The following RBPMS variants were observed in gnomAD, a reference collection of about 807,000 sequenced individuals.
RBPMS encodes RNA-binding protein with multiple splicing.
RBPMS carries 7 observed loss-of-function variants against 26.8 expected under a neutral mutation model. The ratio of observed to expected loss-of-function variants is 0.26; its 90% CI spans 0.15 to 0.49. The LOEUF (loss-of-function observed/expected upper bound fraction) is 0.49. Ranked by LOEUF, RBPMS falls within the 20% of genes least tolerant of loss-of-function variation. RBPMS has a pLI of 0.98. For synonymous variants in RBPMS, 96 were observed against 93.3 expected, an observed-to-expected ratio of 1.03 and a Z score of -0.17; for missense variants, 186 against 250.0, an observed-to-expected ratio of 0.74 and a Z score of 1.73.
intron 7 of RBPMS, chr8:30,563,972 G>A (rs775344881): frequency 1.3e-5 from 2 of 152,256 alleles, no homozygotes; most frequent in Non-Finnish European, 2.9e-5. Flanking sequence ...AGGCTAATAC[G>A]GTGAGCAGCT....
intron 4 of RBPMS, among the ~76,000 whole-genome samples, chr8:30,481,765 G>A (rs1044102960): frequency 1.3e-5 from 2 of 152,184 alleles, no homozygotes; most frequent in African/African-American, 2.4e-5. Context: ...AAGAGTGTAG[G>A]ACATTTACTG....
intron 6 of RBPMS, among the ~76,000 whole-genome samples, chr8:30,549,116 T>G (rs1585846456): frequency 6.6e-6 from 1 of 152,178 alleles, no homozygotes; most frequent in Non-Finnish European, 1.5e-5. Context: ...TGGCCAGTGC[T>G]GTGAGGGTGG....
intron 1 of RBPMS, among the ~76,000 whole-genome samples, chr8:30,422,660 G>T (rs1810929857): frequency 6.6e-6 from 1 of 152,120 alleles, no homozygotes; most frequent in Non-Finnish European, 1.5e-5. Flanking sequence ...ATGTACAAGA[G>T]AAACCCAAAT....
At chr8:30,447,778 T>G in intron 1 of RBPMS, among the ~76,000 whole-genome samples, 1 of 152,226 alleles carries the variant, frequency 6.6e-6, no homozygotes, top group East Asian at 1.9e-4. Context: ...TTTTTTAACT[T>G]AGCAATGAAT....
intron 1 of RBPMS, among the ~76,000 whole-genome samples, chr8:30,431,966 TA>T (rs923928887): frequency 5.2e-4 from 76 of 147,122 alleles, no homozygotes; most frequent in African/African-American, 1.7e-3. Context: ...ACAAAAACAT[TA>T]AAAAAAAAAT....
intron 4 of RBPMS, among the ~76,000 whole-genome samples, chr8:30,495,877 TAAAAGA>T (rs1169083062): frequency 6.6e-6 from 1 of 152,202 alleles, no homozygotes; most frequent in African/African-American, 2.4e-5. Flanking sequence ...GTAGTCTTTA[TAAAAGA>T]AAAATCTTCA....
chr8:30,549,811 T>TCCCCCCTCTCTC (rs1240289060), intron 6 of RBPMS, among the ~76,000 whole-genome samples: 1 of 132,410 alleles, frequency 7.6e-6, no homozygotes, highest in Non-Finnish European at 1.6e-5. Flanking sequence ...CTCTCCTCTC[T>TCCCCCCTCTCTC]CTCTCTCTCT....
intron 5 of RBPMS, among the ~76,000 whole-genome samples, chr8:30,512,219 G>A (rs1821795107): frequency 1.3e-5 from 2 of 151,912 alleles, no homozygotes; most frequent in South Asian, 2.1e-4. Flanking sequence ...GTTTCTTCAT[G>A]TATTTCCTTT....
chr8:30,480,929 C>G (rs961287734), intron 4 of RBPMS, among the ~76,000 whole-genome samples: 1 of 152,168 alleles, frequency 6.6e-6, no homozygotes, highest in Non-Finnish European at 1.5e-5. Context: ...ATTGTTCTTA[C>G]AAAGGAAGTA....
intron 1 of RBPMS, among the ~76,000 whole-genome samples, chr8:30,446,007 A>G (rs373773853): frequency 2.4e-4 from 36 of 152,180 alleles, no homozygotes; most frequent in African/African-American, 3.1e-4. Flanking sequence ...GAAAGAGACA[A>G]TGAAATCAGT....
chr8:30,391,990 C>T (rs764717503), intron 1 of RBPMS, among the ~76,000 whole-genome samples: 53 of 151,948 alleles, frequency 3.5e-4, no homozygotes, highest in Admixed American at 9.2e-4. Flanking sequence ...GGGGAAGTGG[C>T]TGAAGCCCTG....
intron 1 of RBPMS, among the ~76,000 whole-genome samples, chr8:30,429,687 T>C (rs1408010051): frequency 2.6e-5 from 4 of 152,234 alleles, no homozygotes; most frequent in Admixed American, 1.3e-4. Flanking sequence ...TTTCCTTTCA[T>C]GTTTTGGCTT....
intron 5 of RBPMS, among the ~76,000 whole-genome samples, chr8:30,526,072 A>C (rs1345160400): frequency 6.6e-6 from 1 of 152,216 alleles, no homozygotes; most frequent in Admixed American, 6.5e-5. Flanking sequence ...AAATGAGAAG[A>C]GCTTCACTTC....
At chr8:30,464,629 C>G (rs1480759733) in intron 1 of RBPMS, among the ~76,000 whole-genome samples, 3 of 152,130 alleles carry the variant, frequency 2.0e-5, no homozygotes, top group Admixed American at 6.6e-5. Context: ...CTTCCTGGTA[C>G]TTTAAATGAC....
intron 1 of RBPMS, among the ~76,000 whole-genome samples, chr8:30,439,720 A>G (rs1812861148): frequency 6.6e-6 from 1 of 151,886 alleles, no homozygotes; most frequent in African/African-American, 2.4e-5. Context: ...CAGTGGCACC[A>G]TCACTGCTCG....
chr8:30,423,073 T>C (rs1233389321), intron 1 of RBPMS, among the ~76,000 whole-genome samples: 1 of 152,178 alleles, frequency 6.6e-6, no homozygotes, highest in Admixed American at 6.5e-5. Flanking sequence ...GAAATGTACC[T>C]GGCAAAGTCC....
At chr8:30,563,780 T>TG (rs1442269943) in intron 7 of RBPMS, among the ~76,000 whole-genome samples, 1 of 152,170 alleles carries the variant, frequency 6.6e-6, no homozygotes, top group African/African-American at 2.4e-5. Context: ...GGAAAGGCAC[T>TG]GGGGCTCCAG....
intron 1 of RBPMS, among the ~76,000 whole-genome samples, chr8:30,438,875 G>T (rs1812767065): frequency 6.6e-6 from 1 of 152,138 alleles, no homozygotes; most frequent in South Asian, 2.1e-4. Flanking sequence ...CCAGGTTCAA[G>T]TTACTCTCAT....
chr8:30,528,807 G>A (rs1328702479), intron 5 of RBPMS, among the ~76,000 whole-genome samples: 1 of 151,846 alleles, frequency 6.6e-6, no homozygotes, highest in African/African-American at 2.4e-5. Context: ...CAAGGTGGGG[G>A]TTTTTTGGTT....
Sources: allele counts gnomAD v4.1 joint callset (sites outside exome capture counted in the v4.1 genomes callset), GRCh38; gene constraint gnomAD v4.1.1; transcripts MANE v1.5; gene names NCBI Gene and HGNC (gene_info 2026-07-23, HGNC 2026-07-21).